Variants in NEK10 observed in about 807,000 individuals in gnomAD.
The protein encoded by NEK10 is NIMA related kinase 10.
Under a neutral mutation model 159.8 loss-of-function variants are expected in NEK10, and 122 were observed. The ratio of observed to expected loss-of-function variants is 0.76; its 90% CI spans 0.66 to 0.89. NEK10 has a LOEUF of 0.89. NEK10 is among the 40% of genes least tolerant of loss of function. NEK10 has a pLI of 0.00. For synonymous variants in NEK10, 466 were observed against 457.1 expected (o/e 1.02, Z -0.25); for missense variants, 1,342 against 1,323.1 (o/e 1.01, Z -0.22).
At chr3:27,204,277 TTTTTTTTTTTTTTTTTTGTTGTTG>T (rs1460332470) in intron 23 of NEK10, among the ~76,000 whole-genome samples, 1 of 88,186 alleles carries the variant, frequency 1.1e-5, no homozygotes, top group Non-Finnish European at 2.0e-5. Context: ...TAAATTTTCT[TTTTTTTTTTTTTTTTTTGTTGTTG>T]TTTTTTTTTT....
intron 23 of NEK10, chr3:27,255,379 C>T (rs1320903109): frequency 1.2e-5 from 4 of 326,094 alleles, no homozygotes; most frequent in Non-Finnish European, 2.5e-5. Flanking sequence ...TTATTCTGAA[C>T]ACTTCTGCAT....
intron 23 of NEK10, among the ~76,000 whole-genome samples, chr3:27,226,572 T>A (rs1244244630): frequency 6.6e-6 from 1 of 152,194 alleles, no homozygotes; most frequent in East Asian, 1.9e-4. Context: ...CTGGGTCACC[T>A]CTTTCTAGCC....
chr3:27,345,738 C>G (rs1027367873), intron 4 of NEK10, among the ~76,000 whole-genome samples: 1 of 152,150 alleles, frequency 6.6e-6, no homozygotes, highest in African/African-American at 2.4e-5. Context: ...TTCACAGCAA[C>G]GGCTCCTTTT....
At chr3:27,319,149 A>C (rs975094169) in intron 6 of NEK10, among the ~76,000 whole-genome samples, 1 of 152,184 alleles carries the variant, frequency 6.6e-6, no homozygotes, top group Non-Finnish European at 1.5e-5. Flanking sequence ...CATAATTACA[A>C]TTCAGGATCT....
At chr3:27,122,043 A>C (rs1192536401) in intron 32 of NEK10, among the ~76,000 whole-genome samples, 2 of 152,134 alleles carry the variant, frequency 1.3e-5, no homozygotes, top group Non-Finnish European at 2.9e-5. Context: ...CCTAGTCTCC[A>C]TGTTGACAAA....
At position 27,108,324 on chromosome 3, in the gene NEK10, C is replaced by G. The variant is rs1043563577; in HGVS notation, c.*2948G>C. Among the ~76,000 whole-genome samples the G allele has an allele frequency of 6.6e-6, 1 of 152,188 alleles. No individual in the cohort carries two copies. The highest frequency in any genetic ancestry group is 2.4e-5 in the African/African-American group (1 of 41,442). On this transcript the variant is annotated 3_prime_UTR_variant, in exon 36 of 36. Transcript: ENST00000691995. The stretch of plus-strand genomic sequence containing the variant: ...ATCCACAAGCAGTGGGTCCAAGTGT[C>G]CACGTCACTATTCCCTTGAAGACTC...
chr3:27,332,229 G>A (rs1437355048), intron 5 of NEK10, among the ~76,000 whole-genome samples: 1 of 152,134 alleles, frequency 6.6e-6, no homozygotes, highest in African/African-American at 2.4e-5. Context: ...CAAAATTTAA[G>A]TTATACTGCA....
chr3:27,355,275 T>G (rs1416271673), intron 1 of NEK10, among the ~76,000 whole-genome samples: 3 of 152,064 alleles, frequency 2.0e-5, no homozygotes, highest in Non-Finnish European at 2.9e-5. Context: ...CTCCCAAGGA[T>G]CTCTTGCAGT....
intron 23 of NEK10, among the ~76,000 whole-genome samples, chr3:27,231,012 A>G (rs1953199386): frequency 6.6e-6 from 1 of 152,016 alleles, no homozygotes; most frequent in African/African-American, 2.4e-5. Flanking sequence ...GAACAAATGG[A>G]CTTAACAGGT....
chr3:27,165,890 G>A (rs995467599), intron 29 of NEK10, among the ~76,000 whole-genome samples: 5 of 152,178 alleles, frequency 3.3e-5, no homozygotes, highest in African/African-American at 1.2e-4. Flanking sequence ...CCAAGAAGAA[G>A]ATGAAGCCCT....
chr3:27,203,265 T>G (rs1950203135), intron 23 of NEK10, among the ~76,000 whole-genome samples: 1 of 152,152 alleles, frequency 6.6e-6, no homozygotes, highest in African/African-American at 2.4e-5. Flanking sequence ...AATGATAAGG[T>G]GTTAATTTGG....
At position 27,315,543 on chromosome 3, in the gene NEK10, A is replaced by G. The variant is rs534739070; in HGVS notation, c.448-1205T>C. On this transcript the variant is annotated intron_variant, in intron 6 of 35. Transcript: ENST00000691995. ...ATTAAAGAGCACGAGAATATTGTACATATGATCTCTATTTATGGTAGGAGG... is the reference window on the plus strand; with the variant it reads ...ATTAAAGAGCACGAGAATATTGTACGTATGATCTCTATTTATGGTAGGAGG... Among the ~76,000 whole-genome samples, 4 of 152,364 alleles carry G rather than the reference A, an allele frequency of 2.6e-5. No homozygotes were observed. The East Asian group carries it at 7.7e-4, about 29-fold the overall frequency.
rs2048075204 is a variant in NEK10 at position 27,352,936 on chromosome 3, G to A, written c.-37-17C>T. 7.2e-7 allele frequency: 1 copy of A among 1,381,266 alleles called. No individual in the cohort carries two copies. The highest frequency in any genetic ancestry group is 1.4e-5 in the African/African-American group (1 of 70,454). The allele number at this position is 1,381,266 out of a possible 1,614,324, so 85.6% of individuals were successfully genotyped here. ...ATCGCATTCCTTTAAAATTAAACCA[G>A]AGGGAAAATTTTAGTTGGGTTGCGT... On this transcript the variant is annotated splice_polypyrimidine_tract_variant and intron_variant, in intron 1 of 35. Transcript: ENST00000691995.
At chr3:27,281,017 T>C (rs1414194931) in intron 22 of NEK10, among the ~76,000 whole-genome samples, 1 of 150,918 alleles carries the variant, frequency 6.6e-6, no homozygotes, top group African/African-American at 2.4e-5. Context: ...AAGTCTATAT[T>C]ACCCTGAGAA....
intron 10 of NEK10, among the ~76,000 whole-genome samples, chr3:27,308,379 A>G (rs1030944393): frequency 7.2e-5 from 11 of 152,224 alleles, no homozygotes; most frequent in African/African-American, 2.4e-4. Flanking sequence ...AAGCCTAACC[A>G]TATAAATTTA....
At chr3:27,284,772 C>T in intron 21 of NEK10, 68 bp from the exon 22 acceptor site, 2 of 1,518,010 alleles carry the variant, frequency 1.3e-6, no homozygotes, top group Non-Finnish European at 1.8e-6. Flanking sequence ...ATGACTACTG[C>T]ACGTCTTTAA....
chr3:27,364,348 T>TTG lies in NEK10; in HGVS notation c.-38+4875_-38+4876dup, dbSNP rs4016621. 4.2e-3 allele frequency among the ~76,000 whole-genome samples: 504 copies of TTG among 120,632 alleles called. 4 individuals are homozygous for TTG. The highest frequency in any genetic ancestry group is 7.4e-3 in the South Asian group (22 of 2,958). 79.1% of individuals were successfully genotyped at this position (120,632 alleles called of 152,430 possible). A position where few individuals can be genotyped will look rare whatever the true frequency, so the allele number is the denominator to read the frequency against. ...GGCGCCCACCACCATGCCTGGCTAA[T>TTG]TGTGTGTGTGTGTGTGTGTGTGTGT... On this transcript the variant is annotated intron_variant, in intron 1 of 35. Transcript: ENST00000691995.
At position 27,352,866 on chromosome 3, in the gene NEK10, T is replaced by G; in HGVS notation, c.17A>C (p.Lys6Thr). 1 of 1,608,982 alleles carries G rather than the reference T, an allele frequency of 6.2e-7. No homozygotes were observed. The highest frequency in any genetic ancestry group is 8.5e-7 in the Non-Finnish European group (1 of 1,175,768). Reference protein sequence around the residue: MPDQDKKVKTTEKSTD... With the variant: MPDQDTKVKTTEKSTD... ...TGATTTTTCTGTGGTCTTCACCTTT[T>G]TATCTTGATCAGGCATTGTAAAACA... Residue 6 changes from lysine to threonine, a missense_variant, in exon 2 of 36, where the codon AAA (lysine) becomes ACA (threonine). Transcript: ENST00000691995.
chr3:27,126,478 G>T (rs909805279), intron 32 of NEK10, among the ~76,000 whole-genome samples: 1 of 152,086 alleles, frequency 6.6e-6, no homozygotes, highest in Admixed American at 6.6e-5. Context: ...CTAATAAAAA[G>T]TCTCAAGCCT....
Sources: allele counts gnomAD v4.1 joint callset (sites outside exome capture counted in the v4.1 genomes callset), GRCh38; gene constraint gnomAD v4.1.1; transcripts MANE v1.5; gene names NCBI Gene and HGNC (gene_info 2026-07-23, HGNC 2026-07-21).